Variants in SLC5A4 observed in about 807,000 individuals in gnomAD.
SLC5A4 encodes the protein solute carrier family 5 member 4.
SLC5A4 carries 55 observed loss-of-function variants against 70.3 expected under a neutral mutation model. The observed-to-expected ratio is 0.78, with a 90% CI of 0.63 to 0.98. The LOEUF (loss-of-function observed/expected upper bound fraction) is 0.98. Ranked by LOEUF, SLC5A4 falls within the 50% of genes least tolerant of loss-of-function variation. The pLI, the probability that SLC5A4 is intolerant of heterozygous loss-of-function variation, is 0.00. For missense variants in SLC5A4, 735 were observed against 839.2 expected, an observed-to-expected ratio of 0.88 and a Z score of 1.53; for synonymous variants, 268 against 305.7, an observed-to-expected ratio of 0.88 and a Z score of 1.29.
the SLC5A4 span, among the ~76,000 whole-genome samples, chr22:32,262,202 T>A: frequency 6.6e-6 from 1 of 152,246 alleles, no homozygotes; most frequent in African/African-American, 2.4e-5. Flanking sequence ...GTGGGATTGC[T>A]GGATCACATG....
At chr22:32,237,976 G>A (rs1926160183) in intron 6 of SLC5A4, among the ~76,000 whole-genome samples, 1 of 152,156 alleles carries the variant, frequency 6.6e-6, no homozygotes, top group Non-Finnish European at 1.5e-5. Context: ...CTCTGTGAAA[G>A]TTGTCTGTAC....
the SLC5A4 span, among the ~76,000 whole-genome samples, chr22:32,324,789 ATCCT>A: frequency 4.6e-5 from 7 of 152,326 alleles, no homozygotes; most frequent in East Asian, 1.4e-3. Flanking sequence ...ACTGTAGGCC[ATCCT>A]CACCGCTGCC....
At chr22:32,271,022 G>T in the SLC5A4 span, 1 of 546,202 alleles carries the variant, frequency 1.8e-6, no homozygotes, top group Non-Finnish European at 3.3e-6. Context: ...TAGCCCCACA[G>T]TCGGTGATGA....
intron 11 of SLC5A4, among the ~76,000 whole-genome samples, chr22:32,227,247 G>A (rs552420420): frequency 1.3e-5 from 2 of 152,226 alleles, no homozygotes; most frequent in South Asian, 2.1e-4. Context: ...CTTTATCATT[G>A]AGACTTAAGG....
At chr22:32,272,618 C>T in the SLC5A4 span, 556 of 599,268 alleles carry the variant, frequency 9.3e-4, no homozygotes, top group Non-Finnish European at 1.6e-3. Flanking sequence ...TGTCTGACCA[C>T]GACTGCAGCC....
At chr22:32,224,512 T>C (rs1471959094) in intron 12 of SLC5A4, 30 bp from the exon 13 acceptor site, 2 of 1,540,836 alleles carry the variant, frequency 1.3e-6, no homozygotes, top group South Asian at 1.1e-5. Context: ...AAAATCAGAA[T>C]GTTTAGAAAA....
the SLC5A4 span, among the ~76,000 whole-genome samples, chr22:32,321,104 G>A: frequency 3.9e-5 from 6 of 152,332 alleles, no homozygotes; most frequent in African/African-American, 1.4e-4. Flanking sequence ...TGACCAACAT[G>A]TTGAAACCCC....
At chr22:32,341,186 G>A in the SLC5A4 span, among the ~76,000 whole-genome samples, 1 of 152,128 alleles carries the variant, frequency 6.6e-6, no homozygotes, top group Non-Finnish European at 1.5e-5. Context: ...GAGAGACCAG[G>A]GGAGAAAGAC....
chr22:32,346,565 CT>C, the SLC5A4 span, among the ~76,000 whole-genome samples: 1 of 144,140 alleles, frequency 6.9e-6, no homozygotes, highest in African/African-American at 2.7e-5. Context: ...CTGCAACTAT[CT>C]GATCTTTGAC....
At chr22:32,245,202 T>C (rs1644487649) in intron 5 of SLC5A4, among the ~76,000 whole-genome samples, 1 of 152,168 alleles carries the variant, frequency 6.6e-6, no homozygotes. Flanking sequence ...TAGGAGACAA[T>C]CCGTGTGTCA....
At chr22:32,268,021 A>G in the SLC5A4 span, among the ~76,000 whole-genome samples, 1 of 152,042 alleles carries the variant, frequency 6.6e-6, no homozygotes, top group Admixed American at 6.6e-5. Flanking sequence ...GTACTTGGGA[A>G]GCTGAGGCAG....
the SLC5A4 span, among the ~76,000 whole-genome samples, chr22:32,302,199 CTCT>C: frequency 3.3e-5 from 5 of 151,116 alleles, no homozygotes; most frequent in Non-Finnish European, 5.9e-5. Flanking sequence ...AGTAAAATGT[CTCT>C]TCATGTCTAC....
chr22:32,321,147 A>G, the SLC5A4 span, among the ~76,000 whole-genome samples: 1 of 152,230 alleles, frequency 6.6e-6, no homozygotes, highest in Non-Finnish European at 1.5e-5. Flanking sequence ...TAAGCTGGGC[A>G]TGGTGGCGTG....
At chr22:32,270,097 G>T in the SLC5A4 span, 1 of 511,976 alleles carries the variant, frequency 2.0e-6, no homozygotes, top group East Asian at 4.6e-5. Context: ...ATGGCCAGCT[G>T]GTCAGCCAGG....
the SLC5A4 span, among the ~76,000 whole-genome samples, chr22:32,321,379 G>C: frequency 2.0e-5 from 3 of 152,186 alleles, no homozygotes; most frequent in Non-Finnish European, 4.4e-5. Context: ...TCGAATCCAG[G>C]GGGTGGAGGT....
intron 11 of SLC5A4, among the ~76,000 whole-genome samples, chr22:32,227,087 A>G (rs1261450380): frequency 1.3e-5 from 2 of 152,148 alleles, no homozygotes; most frequent in Non-Finnish European, 2.9e-5. Flanking sequence ...CACCTGAGGT[A>G]GCATACCTTT....
At chr22:32,342,147 T>C in the SLC5A4 span, among the ~76,000 whole-genome samples, 1 of 152,158 alleles carries the variant, frequency 6.6e-6, no homozygotes, top group African/African-American at 2.4e-5. Flanking sequence ...TGAAAATGGC[T>C]AATGCTACAC....
At chr22:32,294,191 G>C in the SLC5A4 span, among the ~76,000 whole-genome samples, 23 of 152,144 alleles carry the variant, frequency 1.5e-4, no homozygotes, top group African/African-American at 5.5e-4. Context: ...TGGAACAATT[G>C]TATTTGTTAC....
the SLC5A4 span, among the ~76,000 whole-genome samples, chr22:32,353,087 G>A: frequency 1.5e-4 from 23 of 152,342 alleles, no homozygotes; most frequent in East Asian, 1.2e-3. Context: ...GGCAGAGGCC[G>A]GTTTCAGCGA....
Sources: allele counts gnomAD v4.1 joint callset (sites outside exome capture counted in the v4.1 genomes callset), GRCh38; gene constraint gnomAD v4.1.1; transcripts MANE v1.5; gene names NCBI Gene and HGNC (gene_info 2026-07-23, HGNC 2026-07-21).